The following TNRC6C variants were observed in gnomAD, a reference collection of about 807,000 sequenced individuals.
TNRC6C encodes the protein trinucleotide repeat containing adaptor 6C.
A neutral mutation model predicts 153.7 loss-of-function variants in TNRC6C; 20 were observed. The observed-to-expected ratio is 0.13, with a 90% confidence interval of 0.09 to 0.19. TNRC6C has a LOEUF of 0.19. TNRC6C is among the 10% of genes least tolerant of loss of function. TNRC6C has a pLI of 1.00. For missense variants in TNRC6C, 1,987 were observed against 2,172.0 expected (o/e 0.91, Z 1.69); for synonymous variants, 811 against 841.4 (o/e 0.96, Z 0.63).
At chr17:78,102,019 C>T (rs2144659106) in intron 17 of TNRC6C, among the ~76,000 whole-genome samples, 1 of 152,264 alleles carries the variant, frequency 6.6e-6, no homozygotes, top group South Asian at 2.1e-4. Context: ...GGGACACAGC[C>T]AAACCGTATC....
chr17:77,973,140 C>G (rs564236338), intron 1 of TNRC6C, among the ~76,000 whole-genome samples: 1 of 152,172 alleles, frequency 6.6e-6, no homozygotes, highest in African/African-American at 2.4e-5. Context: ...CTCCTGACTT[C>G]AGGTGATCCG....
At chr17:78,035,374 G>C (rs1056587939) in intron 2 of TNRC6C, among the ~76,000 whole-genome samples, 2 of 152,198 alleles carry the variant, frequency 1.3e-5, no homozygotes, top group African/African-American at 4.8e-5. Context: ...TTGAAATGAA[G>C]AGATTCCTAA....
Position 78,029,235 on chromosome 17 carries a change from C to T in TNRC6C, c.-545-2281C>T, listed in dbSNP as rs1352642406. On this transcript the variant is annotated intron_variant, in intron 1 of 19. Transcript: ENST00000301624. ...ACTAAAATTCAGTAGTACGATCATA[C>T]CTTGCTTGACAGAGAGATACGTTCT... 2.0e-5 allele frequency among the ~76,000 whole-genome samples: 3 copies of T among 152,156 alleles called. No homozygotes were observed. In the East Asian group the frequency reaches 5.8e-4, roughly 29 times the overall value.
Position 78,067,688 on chromosome 17 carries a change from T to C in TNRC6C, c.2612-69T>C, listed in dbSNP as rs960102561. 5 of 1,465,446 alleles carry C rather than the reference T, an allele frequency of 3.4e-6. No individual in the cohort carries two copies. The African/African-American group carries it at 7.2e-5, about 21-fold the overall frequency. 90.8% of individuals were successfully genotyped at this position (1,465,446 alleles called of 1,614,324 possible). ...TTTGTCCCACGACCCCTAAATTATA[T>C]GTTACAGTGGAAGCATTGTCTGCGT... On this transcript the variant is annotated intron_variant, in intron 4 of 19. Transcript: ENST00000301624.
At position 78,041,987 on chromosome 17, in the gene TNRC6C, A is replaced by G. The variant is rs531401071; in HGVS notation, c.-218-6858A>G. On this transcript the variant is annotated intron_variant, in intron 2 of 19. Transcript: ENST00000301624. ...CTGATTAAATCTGATACCTAATTAA[A>G]ATTTTGCTTACTATGGCTTTTGGAA... 1.2e-4 allele frequency among the ~76,000 whole-genome samples: 19 copies of G among 152,268 alleles called. No individual in the cohort carries two copies. In the South Asian group the frequency reaches 3.7e-3, roughly 30 times the overall value.
At chr17:78,014,354 A>G (rs1303714428) in intron 1 of TNRC6C, among the ~76,000 whole-genome samples, 1 of 152,176 alleles carries the variant, frequency 6.6e-6, no homozygotes, top group Admixed American at 6.5e-5. Flanking sequence ...TCAATGTTAC[A>G]TATGAGAAGA....
chr17:78,097,996 T>A, intron 16 of TNRC6C, 135 bp downstream of exon 19: 1 of 800,900 alleles, frequency 1.2e-6, no homozygotes, highest in Non-Finnish European at 1.9e-6. Flanking sequence ...TGATGAAGGA[T>A]GGGTGGGGGC....
chr17:77,967,381 T>G (rs1028816709), intron 1 of TNRC6C, among the ~76,000 whole-genome samples: 2 of 151,772 alleles, frequency 1.3e-5, no homozygotes, highest in African/African-American at 4.9e-5. Flanking sequence ...TCTTCAGAGA[T>G]ATTGCTTCCA....
intron 2 of TNRC6C, among the ~76,000 whole-genome samples, chr17:78,042,396 G>A (rs2072314526): frequency 6.6e-6 from 1 of 152,072 alleles, no homozygotes. Flanking sequence ...GCCTCTCTGA[G>A]CCTGTTTCTT....
At chr17:78,107,858 G>C (rs1488184217) in exon 20 of TNRC6C, 1 of 152,214 alleles carries the variant, frequency 6.6e-6, no homozygotes, top group Non-Finnish European at 1.5e-5. Context: ...AATATTTGGA[G>C]AGAAGAGTAA....
At chr17:77,997,160 C>T (rs1049862321) in intron 1 of TNRC6C, among the ~76,000 whole-genome samples, 4 of 152,134 alleles carry the variant, frequency 2.6e-5, no homozygotes, top group Admixed American at 6.5e-5. Flanking sequence ...GTTCAGGCTG[C>T]GGTAACTCCA....
At chr17:77,964,227 C>A (rs1401630303) in intron 1 of TNRC6C, among the ~76,000 whole-genome samples, 1 of 152,164 alleles carries the variant, frequency 6.6e-6, no homozygotes, top group African/African-American at 2.4e-5. Flanking sequence ...ACTCTGAAGA[C>A]CCTCTCTGTT....
intron 16 of TNRC6C, among the ~76,000 whole-genome samples, chr17:78,094,948 C>T (rs995878600): frequency 5.9e-5 from 9 of 152,058 alleles, no homozygotes; most frequent in African/African-American, 2.2e-4. Context: ...GAAAAGGAGC[C>T]GTGTAAGATG....
In TNRC6C at chr17:77,997,929, C is replaced by T. The variant is rs536747946; in HGVS notation, c.-37-6241C>T. ...TCGGCCTCCCAACGTGCTGGGATTA[C>T]AGGCGTGAGCCACTGCGCCTGGCCG... On this transcript the variant is annotated intron_variant, in intron 1 of 22. Transcript: ENST00000636222. Among the ~76,000 whole-genome samples, 8 of 152,338 alleles carry T rather than the reference C, an allele frequency of 5.3e-5. No homozygotes were observed. The South Asian group carries it at 1.7e-3, about 32-fold the overall frequency.
intron 3 of TNRC6C, among the ~76,000 whole-genome samples, chr17:78,063,436 G>A (rs2072809725): frequency 6.6e-6 from 1 of 151,840 alleles, no homozygotes. Context: ...TGGTGGAGGT[G>A]GAAGAAAATT....
chr17:78,071,998 G>A (rs1028214477), intron 6 of TNRC6C, among the ~76,000 whole-genome samples: 1 of 152,146 alleles, frequency 6.6e-6, no homozygotes. Flanking sequence ...GCCCATATTC[G>A]CCATGTATTC....
chr17:77,964,643 A>G (rs1006189132), intron 1 of TNRC6C, among the ~76,000 whole-genome samples: 2 of 152,252 alleles, frequency 1.3e-5, no homozygotes, highest in Non-Finnish European at 2.9e-5. Flanking sequence ...GAAAATAGCA[A>G]CTGGGAATTA....
intron 1 of TNRC6C, among the ~76,000 whole-genome samples, chr17:77,972,993 C>T (rs915075699): frequency 1.3e-5 from 2 of 152,220 alleles, no homozygotes; most frequent in Non-Finnish European, 2.9e-5. Flanking sequence ...ACAACCTCCG[C>T]CTCCCAGGTT....
At chr17:78,023,014 G>A (rs770035315) in intron 1 of TNRC6C, among the ~76,000 whole-genome samples, 43 of 152,120 alleles carry the variant, frequency 2.8e-4, no homozygotes, top group Non-Finnish European at 1.5e-5. Flanking sequence ...AGCTGGGCAT[G>A]GTGGTATGCA....
Sources: gnomAD v4.1 joint callset for allele counts (sites outside exome capture counted in the v4.1 genomes callset) on GRCh38, gnomAD v4.1.1 for gene constraint, MANE v1.5 for transcripts, NCBI Gene and HGNC (gene_info 2026-07-23, HGNC 2026-07-21) for gene names.